CRACR2A: variants seen among roughly 807,000 people sequenced by gnomAD.
CRACR2A encodes the protein EF-hand calcium-binding domain-containing protein 4B.
Under a neutral mutation model 90.5 loss-of-function variants are expected in CRACR2A, and 79 were observed. The observed-to-expected ratio is 0.87, with a 90% CI of 0.73 to 1.05. The LOEUF is 1.05. Ranked by LOEUF, CRACR2A falls within the 50% of genes least tolerant of loss-of-function variation. The pLI is 0.00. For synonymous variants in CRACR2A, 338 were observed against 356.7 expected, an observed-to-expected ratio of 0.95 and a Z score of 0.59; for missense variants, 823 against 897.2, an observed-to-expected ratio of 0.92 and a Z score of 1.06.
intron 6 of CRACR2A, among the ~76,000 whole-genome samples, chr12:3,674,519 G>A (rs950398750): frequency 6.6e-6 from 1 of 152,180 alleles, no homozygotes; most frequent in Non-Finnish European, 1.5e-5. Context: ...TCTGAAAGAG[G>A]ATAGGTTTTA....
At chr12:3,724,312 C>T (rs950031414) in intron 2 of CRACR2A, among the ~76,000 whole-genome samples, 2 of 152,352 alleles carry the variant, frequency 1.3e-5, no homozygotes, top group African/African-American at 2.4e-5. Context: ...CCCTCTCACA[C>T]CCTCTAGGCT....
In CRACR2A at chr12:3,633,117, C is replaced by T. The variant is rs182553466; in HGVS notation, c.1735+487G>A. ...CTGGGGACTTAGGACAGATACAATG[C>T]GATGGGTAAAAGAAGCCATCCAGGA... On this transcript the variant is annotated intron_variant, in intron 15 of 19. Coordinates refer to ENST00000440314, the MANE Select transcript of CRACR2A (RefSeq NM_001144958.2). This position sits in a 1 kb window ranked among gnomAD's most constrained non-coding sequence, Gnocchi z 4.5. Among the ~76,000 whole-genome samples, 11 of 152,236 alleles carry T rather than the reference C, an allele frequency of 7.2e-5. No individual in the cohort carries two copies. The East Asian group carries it at 1.4e-3, about 19-fold the overall frequency.
intron 15 of CRACR2A, among the ~76,000 whole-genome samples, chr12:3,631,841 C>T (rs113757690): frequency 6.6e-6 from 1 of 152,170 alleles, no homozygotes; most frequent in Non-Finnish European, 1.5e-5. Flanking sequence ...ATGGAGTCTC[C>T]CCAGGCAGGA....
chr12:3,692,519 G>GTGGGGT (rs1463453849), intron 4 of CRACR2A, among the ~76,000 whole-genome samples: 1 of 150,858 alleles, frequency 6.6e-6, no homozygotes, highest in African/African-American at 2.4e-5. Flanking sequence ...GGGGGTGGGG[G>GTGGGGT]TGGGGTTGGG....
At chr12:3,736,944 T>A (rs1209527243) in intron 1 of CRACR2A, among the ~76,000 whole-genome samples, 1 of 152,172 alleles carries the variant, frequency 6.6e-6, no homozygotes, top group Non-Finnish European at 1.5e-5. Flanking sequence ...CATTCTCCAA[T>A]AAGCAACAGC....
intron 4 of CRACR2A, among the ~76,000 whole-genome samples, chr12:3,683,848 T>G (rs1945501890): frequency 6.6e-6 from 1 of 152,102 alleles, no homozygotes; most frequent in Non-Finnish European, 1.5e-5. Context: ...GACCCTGAGC[T>G]CCTATGTACA....
intron 13 of CRACR2A, chr12:3,640,842 A>G: frequency 7.7e-7 from 1 of 1,298,294 alleles, no homozygotes; most frequent in Non-Finnish European, 1.0e-6. Context: ...TCTCTCAATG[A>G]GCAATGAGCC....
chr12:3,656,075 A>G (rs1412290004), intron 9 of CRACR2A, among the ~76,000 whole-genome samples: 1 of 152,142 alleles, frequency 6.6e-6, no homozygotes, highest in Non-Finnish European at 1.5e-5. Context: ...GTCTGCAGAT[A>G]CCTCGTGGGG....
intron 17 of CRACR2A, among the ~76,000 whole-genome samples, chr12:3,626,811 T>TA (rs56071133): frequency 0.066 from 10,000 of 152,242 alleles, 379 homozygotes; most frequent in Middle Eastern, 0.13. Flanking sequence ...GTAGGAATCA[T>TA]AAACATAGAG....
At chr12:3,652,392 A>T (rs1488451909) in intron 10 of CRACR2A, among the ~76,000 whole-genome samples, 1 of 152,188 alleles carries the variant, frequency 6.6e-6, no homozygotes, top group East Asian at 1.9e-4. Context: ...GTCCTTCCAC[A>T]ATTGGTCATC....
At chr12:3,708,615 C>T (rs1340456600) in intron 3 of CRACR2A, among the ~76,000 whole-genome samples, 1 of 152,032 alleles carries the variant, frequency 6.6e-6, no homozygotes, top group Non-Finnish European at 1.5e-5. Context: ...TTAGTAGAGA[C>T]GGGGTTTCAC....
rs1469443548 is a variant in CRACR2A, at chr12:3,656,487, C to G, written c.763-81G>C. Reference sequence around the variant, plus strand: ...AGATTTTTTTTTTCCCACCTTGAACCTACTCAACATCAGGGCCCATCCTAT... The same window carrying G: ...AGATTTTTTTTTTCCCACCTTGAACGTACTCAACATCAGGGCCCATCCTAT... On this transcript the variant is annotated intron_variant, in intron 8 of 19. Coordinates refer to ENST00000440314, the MANE Select transcript of CRACR2A (RefSeq NM_001144958.2). 4.7e-6 allele frequency: 6 copies of G among 1,263,340 alleles called. No individual in the cohort carries two copies. In the Admixed American group the frequency reaches 7.0e-5, roughly 15 times the overall value. The allele number at this position is 1,263,340 out of a possible 1,614,324, so 78.3% of individuals were successfully genotyped here.
chr12:3,734,756 G>A (rs10774166), intron 1 of CRACR2A, among the ~76,000 whole-genome samples: 41,078 of 151,894 alleles, frequency 0.27, 6,365 homozygotes, highest in African/African-American at 0.43. Context: ...TGCTAAGTGA[G>A]GTAAGCCAGA....
At chr12:3,630,886 G>C (rs1944365097) in intron 15 of CRACR2A, among the ~76,000 whole-genome samples, 1 of 152,222 alleles carries the variant, frequency 6.6e-6, no homozygotes, top group South Asian at 2.1e-4. Context: ...CTCTTATGAG[G>C]GAGTGGGAGA....
At chr12:3,632,091 G>T (rs1009978911) in intron 15 of CRACR2A, among the ~76,000 whole-genome samples, 4 of 152,092 alleles carry the variant, frequency 2.6e-5, no homozygotes, top group Admixed American at 1.3e-4. Context: ...CCTTCCCTTT[G>T]GTGCTGTCCT....
At chr12:3,618,395 C>T (rs1490260230) in intron 18 of CRACR2A, among the ~76,000 whole-genome samples, 1 of 152,156 alleles carries the variant, frequency 6.6e-6, no homozygotes, top group East Asian at 1.9e-4. Context: ...CATGAATAGC[C>T]TCGTGTCATT....
intron 6 of CRACR2A, among the ~76,000 whole-genome samples, chr12:3,676,085 G>A (rs538594284): frequency 9.7e-5 from 13 of 133,614 alleles, no homozygotes; most frequent in African/African-American, 2.6e-4. Context: ...CCAAACATCC[G>A]CGTACTTATT....
intron 10 of CRACR2A, among the ~76,000 whole-genome samples, chr12:3,651,500 A>G (rs1358694973): frequency 5.9e-5 from 9 of 152,216 alleles, no homozygotes; most frequent in Non-Finnish European, 1.3e-4. Context: ...TAATTAAAAA[A>G]CAGAGTTGCT....
At chr12:3,685,578 A>G (rs914724646) in intron 4 of CRACR2A, among the ~76,000 whole-genome samples, 2 of 152,268 alleles carry the variant, frequency 1.3e-5, no homozygotes, top group Non-Finnish European at 2.9e-5. Flanking sequence ...GACACATGCT[A>G]CGATACAGAT....
Sources: gnomAD v4.1 joint callset for allele counts (sites outside exome capture counted in the v4.1 genomes callset) on GRCh38, gnomAD v4.1.1 for gene constraint, Gnocchi (gnomAD v3.1) non-coding constraint, MANE v1.5 for transcripts, NCBI Gene and HGNC (gene_info 2026-07-23, HGNC 2026-07-21) for gene names.